Variants in KIF26A observed in about 807,000 individuals in gnomAD.
KIF26A encodes kinesin-like protein KIF26A.
Under a neutral mutation model 126.0 loss-of-function variants are expected in KIF26A, and 74 were observed. The observed-to-expected ratio is 0.59, with a 90% CI of 0.49 to 0.71. The LOEUF (loss-of-function observed/expected upper bound fraction) is 0.71, where lower values mean the gene tolerates loss of function less well. Ranked by LOEUF, KIF26A falls within the 30% of genes least tolerant of loss-of-function variation. The probability of loss-of-function intolerance (pLI) is 0.00; values close to 1 mark genes in which losing one functional copy is unlikely to be tolerated. For synonymous variants in KIF26A, 1,445 were observed against 1,232.7 expected, an observed-to-expected ratio of 1.17 and a Z score of -3.61; for missense variants, 2,984 against 2,763.3, an observed-to-expected ratio of 1.08 and a Z score of -1.79.
chr14:104,172,566 C>A lies in KIF26A; in HGVS notation c.1327-9C>A. 1 of 1,607,418 alleles carries A rather than the reference C, an allele frequency of 6.2e-7. No individual in the cohort carries two copies. The highest frequency in any genetic ancestry group is 8.5e-7 in the Non-Finnish European group (1 of 1,175,650). ...GCCACAGCCCTGCCTGATTCTCTTGCCCCCCTAGGCCGAAGTCTGCTCGGG... is the reference window on the plus strand; with the variant it reads ...GCCACAGCCCTGCCTGATTCTCTTGACCCCCTAGGCCGAAGTCTGCTCGGG... On this transcript the variant is annotated splice_polypyrimidine_tract_variant and intron_variant, in intron 6 of 14. Coordinates refer to ENST00000423312, the MANE Select transcript of KIF26A (RefSeq NM_015656.2).
At position 104,138,700 on chromosome 14, in the gene KIF26A, C is replaced by A; in HGVS notation, c.-23C>A. The A allele has an allele frequency of 1.6e-6, 2 of 1,268,534 alleles. No individual in the cohort carries two copies. Among genetic ancestry groups the A allele is most frequent in the South Asian group, 2.5e-5 (1 of 39,386 alleles). The allele number at this position is 1,268,534 out of a possible 1,614,324, so 78.6% of individuals were successfully genotyped here. On this transcript the variant is annotated 5_prime_UTR_variant, in exon 1 of 15. Coordinates refer to ENST00000423312, the MANE Select transcript of KIF26A (RefSeq NM_015656.2). ...AGCCAGCGTGGCCGGGAGCGCCTGC[C>A]GGGCTCTTCCCGCGCCCCGGCCATG... is the stretch of plus-strand genomic sequence containing the variant.
rs2037701228 is a variant in KIF26A, at chr14:104,148,668, G to A, written c.289-3347G>A. On this transcript the variant is annotated intron_variant, in intron 2 of 14. Transcript: ENST00000423312. The surrounding 1 kb of genome is among the most constrained non-coding windows in gnomAD (Gnocchi z 4.3). ...GGGGGCTGTGCGTGGCCGGGGAGGG[G>A]GAGGGGGAGGGGAGGGGCAGGGCTG... Among the ~76,000 whole-genome samples, 1 of 148,074 alleles carries A rather than the reference G, an allele frequency of 6.8e-6. No homozygotes were observed. The highest frequency in any genetic ancestry group is 2.5e-5 in the African/African-American group (1 of 40,548).
At chr14:104,172,050 G>T (rs1033901188) in intron 6 of KIF26A, 115 bp downstream of exon 6, 1 of 1,029,702 alleles carries the variant, frequency 9.7e-7, no homozygotes, top group African/African-American at 1.6e-5. Context: ...AAGCGTGAGC[G>T]AGGGGCCCGC....
rs757884583 is a variant in KIF26A, at chr14:104,157,883, C to T, written c.864C>T (p.Pro288=). The T allele has an allele frequency of 1.9e-6, 3 of 1,583,182 alleles. No homozygotes were observed. Among genetic ancestry groups the T allele is most frequent in the East Asian group, 2.3e-5 (1 of 42,762 alleles). The change falls in exon 4 of 15, where the codon CCC becomes CCT. Residue 288 remains proline, a synonymous_variant. Coordinates refer to ENST00000423312, the MANE Select transcript of KIF26A (RefSeq NM_015656.2). ...GGVCTSALVT[P]TPGSVGGSTG... ...TCTGCACGTCAGCCCTGGTCACCCC[C>T]ACCCCGGGCTCGGTGGGGGGCTCCA...
Position 104,167,058 on chromosome 14 carries a change from G to A in KIF26A, c.1113+10G>A. The A allele has an allele frequency of 1.3e-6, 2 of 1,526,204 alleles. No individual in the cohort carries two copies. The highest frequency in any genetic ancestry group is 1.8e-6 in the Non-Finnish European group (2 of 1,134,428). 94.5% of individuals were successfully genotyped at this position (1,526,204 alleles called of 1,614,324 possible). ...TGGCAGCATCGGGAAGGTAGACGCA[G>A]CCCCGAGTTCGGGGCCCTGGGTGGG... On this transcript the variant is annotated intron_variant, in intron 5 of 14. Coordinates refer to ENST00000423312, the MANE Select transcript of KIF26A (RefSeq NM_015656.2).
intron 3 of KIF26A, among the ~76,000 whole-genome samples, chr14:104,153,190 G>A (rs886532624): frequency 1.4e-4 from 22 of 152,138 alleles, no homozygotes; most frequent in Non-Finnish European, 2.8e-4. Context: ...TGGTGAGGTG[G>A]CCTGTCTGGA....
intron 3 of KIF26A, among the ~76,000 whole-genome samples, chr14:104,154,174 C>T (rs946053551): frequency 8.5e-5 from 13 of 152,110 alleles, no homozygotes; most frequent in Non-Finnish European, 1.6e-4. Context: ...CTGCAAATCT[C>T]CACCACAGAC....
rs1488229272 is a variant in KIF26A, at chr14:104,162,653, C to A, written c.924-4206C>A. Among the ~76,000 whole-genome samples the A allele has an allele frequency of 3.9e-5, 6 of 152,286 alleles. No individual in the cohort carries two copies. The East Asian group carries it at 1.2e-3, about 29-fold the overall frequency. ...CCTTGGGTTGCAGCTGGTACCTTGA[C>A]CCTGCCCAGCCTTGGGAGGGGCTGC... On this transcript the variant is annotated intron_variant, in intron 4 of 14. Transcript: ENST00000423312.
chr14:104,162,965 C>T (rs1057072402), intron 4 of KIF26A, among the ~76,000 whole-genome samples: 1 of 152,218 alleles, frequency 6.6e-6, no homozygotes, highest in East Asian at 1.9e-4. Context: ...CTTGGAGCAG[C>T]ACCAGGCAGC....
Position 104,152,318 on chromosome 14 carries a change from TC to T in KIF26A, c.597del (p.Ser202ValfsTer6), listed in dbSNP as rs2141095324. 6.3e-7 allele frequency: 1 copy of T among 1,579,246 alleles called. No homozygotes were observed. Among genetic ancestry groups the T allele is most frequent in the Non-Finnish European group, 8.6e-7 (1 of 1,165,478 alleles). ...GPDRTKGLAW[S>X]PGPSVQVSVA... Reference sequence around the variant, plus strand: ...AGACAGGACCAAGGGGCTGGCCTGGTCCCCCGGGCCCAGTGTCCAGGTGTCT... The same window carrying T: ...AGACAGGACCAAGGGGCTGGCCTGGTCCCCGGGCCCAGTGTCCAGGTGTCT... On this transcript the variant is annotated frameshift_variant, in exon 3 of 15. Coordinates refer to ENST00000423312, the MANE Select transcript of KIF26A (RefSeq NM_015656.2). LOFTEE classifies it high-confidence loss of function. The surrounding 1 kb of genome is among the most constrained non-coding windows in gnomAD (Gnocchi z 5.9).
chr14:104,170,654 T>A lies in KIF26A; in HGVS notation c.1114-1069T>A, dbSNP rs548657322. On this transcript the variant is annotated intron_variant, in intron 5 of 14. Coordinates refer to ENST00000423312, the MANE Select transcript of KIF26A (RefSeq NM_015656.2). ...ATGGGGCCTGTCTCTGGCTCTGCGT[T>A]GGAGCCCTGGTTCAGGGTGGCCCTC... Among the ~76,000 whole-genome samples, 14 of 152,392 alleles carry A rather than the reference T, an allele frequency of 9.2e-5. No homozygotes were observed. In the South Asian group the frequency reaches 2.9e-3, roughly 32 times the overall value.
Position 104,171,837 on chromosome 14 carries a change from G to A in KIF26A, c.1228G>A (p.Ala410Thr), listed in dbSNP as rs2037960485. The change falls in exon 6 of 15, where the codon GCC (alanine) becomes ACC (threonine). Residue 410 changes from alanine (A) to threonine (T), a missense_variant. Coordinates refer to ENST00000423312, the MANE Select transcript of KIF26A (RefSeq NM_015656.2). ...GCAGGTGATCCTCTACGATCCCGCC[G>A]CCGGTCCCCCAGGCAGCGCAGGCCC... ...KKQVILYDPA[A>T]GPPGSAGPRR... The A allele has an allele frequency of 2.6e-6, 4 of 1,556,918 alleles. No individual in the cohort carries two copies. Among genetic ancestry groups the A allele is most frequent in the Non-Finnish European group, 2.6e-6 (3 of 1,151,434 alleles).
In KIF26A at chr14:104,174,182, C is replaced by G. The variant is rs757393699; in HGVS notation, c.2065C>G (p.Leu689Val). The change falls in exon 11 of 15, where the codon CTG (leucine) becomes GTG (valine). Residue 689 changes from leucine to valine, a missense_variant. By Grantham distance (32) the Leu-to-Val change is conservative. Coordinates refer to ENST00000423312, the MANE Select transcript of KIF26A (RefSeq NM_015656.2). ...HRLTMLLRES[L>V]ATAGCRTTMI... ...GCTCACCATGCTGCTGCGTGAATCC[C>G]TGGCCACCGCTGGCTGCCGCACCAC... 1 of 1,587,716 alleles carries G rather than the reference C, an allele frequency of 6.3e-7. No individual in the cohort carries two copies. The highest frequency in any genetic ancestry group is 1.1e-5 in the South Asian group (1 of 87,020).
intron 4 of KIF26A, among the ~76,000 whole-genome samples, chr14:104,163,963 C>T (rs559127940): frequency 1.3e-5 from 2 of 152,240 alleles, no homozygotes; most frequent in East Asian, 2.0e-4. Context: ...GGCTCCACGT[C>T]TTGCCTGGGT....
In KIF26A at chr14:104,180,015, C is replaced by T. The variant is rs986099026; in HGVS notation, c.*225C>T. On this transcript the variant is annotated 3_prime_UTR_variant, in exon 15 of 15. Coordinates refer to ENST00000423312, the MANE Select transcript of KIF26A (RefSeq NM_015656.2). Reference sequence around the variant, plus strand: ...GAAGACCGTCACCACCCGACAGCAACGCAAGTGCCTTTGACCTTGATTTGG... The same window carrying T: ...GAAGACCGTCACCACCCGACAGCAATGCAAGTGCCTTTGACCTTGATTTGG... The T allele has an allele frequency of 3.0e-5, 14 of 463,178 alleles. No individual in the cohort carries two copies. The highest frequency in any genetic ancestry group is 6.0e-5 in the African/African-American group (3 of 49,710). 28.7% of individuals were successfully genotyped at this position (463,178 alleles called of 1,614,324 possible).
At chr14:104,179,167 A>G (rs1015625643) in intron 13 of KIF26A, 69 bp from the exon 14 acceptor site, 56 of 1,399,248 alleles carry the variant, frequency 4.0e-5, no homozygotes, top group Non-Finnish European at 4.9e-5. Context: ...CGGGGGCCAC[A>G]TCAGGGCTGC....
Position 104,175,317 on chromosome 14 carries a change from G to A in KIF26A, c.2529G>A (p.Glu843=). The A allele has an allele frequency of 1.2e-6, 2 of 1,604,286 alleles. No homozygotes were observed. The highest frequency in any genetic ancestry group is 1.3e-5 in the African/African-American group (1 of 75,060). ...ADHFRCSTFA[E]LQERLECMDG... ...ACTTCCGCTGCAGCACCTTCGCGGA[G>A]CTGCAGGAGCGGCTGGAATGCATGG... The change falls in exon 12 of 15, where the codon GAG becomes GAA. Residue 843 remains glutamate, a synonymous_variant. Coordinates refer to ENST00000423312, the MANE Select transcript of KIF26A (RefSeq NM_015656.2).
intron 9 of KIF26A, 86 bp downstream of exon 9, chr14:104,173,599 C>T (rs2037983773): frequency 6.6e-7 from 1 of 1,514,322 alleles, no homozygotes; most frequent in Non-Finnish European, 8.9e-7. Context: ...CCAGTGGCTC[C>T]TGGGGATGTC....
At position 104,178,878 on chromosome 14, in the gene KIF26A, A is replaced by C. The variant is rs926073833; in HGVS notation, c.5316+123A>C. 4.8e-6 allele frequency: 3 copies of C among 622,894 alleles called. No individual in the cohort carries two copies. The South Asian group carries it at 6.4e-5, about 13-fold the overall frequency. 38.6% of individuals were successfully genotyped at this position (622,894 alleles called of 1,614,324 possible). A position where few individuals can be genotyped will look rare whatever the true frequency, so the allele number is the denominator to read the frequency against. On this transcript the variant is annotated intron_variant, in intron 13 of 14. Coordinates refer to ENST00000423312, the MANE Select transcript of KIF26A (RefSeq NM_015656.2). ...GTGTGGCTGGGCAGCCCCTGACCTC[A>C]CTTTCTGTCCACGTTCCTCCCAGGA... is the stretch of plus-strand genomic sequence containing the variant.
Sources: allele counts gnomAD v4.1 joint callset (sites outside exome capture counted in the v4.1 genomes callset), GRCh38; gene constraint gnomAD v4.1.1; non-coding constraint Gnocchi (gnomAD v3.1); transcripts MANE v1.5; gene names NCBI Gene and HGNC (gene_info 2026-07-23, HGNC 2026-07-21).